Variants in ERLIN2 observed in about 807,000 individuals in gnomAD.
ERLIN2 encodes ER lipid raft associated 2, also known as erlin-2.
A neutral mutation model predicts 41.5 loss-of-function variants in ERLIN2; 22 were observed. The observed-to-expected ratio is 0.53, with a 90% confidence interval of 0.38 to 0.76. ERLIN2 has a LOEUF of 0.76. Ranked by LOEUF, ERLIN2 falls within the 30% of genes least tolerant of loss-of-function variation. The probability of loss-of-function intolerance (pLI) is 0.00; values close to 1 mark genes in which losing one functional copy is unlikely to be tolerated. For synonymous variants in ERLIN2, 149 were observed against 150.9 expected, an observed-to-expected ratio of 0.99 and a Z score of 0.09; for missense variants, 247 against 414.3, an observed-to-expected ratio of 0.60 and a Z score of 3.51.
chr8:37,747,619 G>A (rs1452279701), intron 6 of ERLIN2: 1 of 1,611,596 alleles, frequency 6.2e-7, no homozygotes, highest in South Asian at 1.1e-5. Context: ...ATATATGTTC[G>A]TTTTCCCAAA....
At chr8:37,745,208 A>G (rs750138739) in intron 6 of ERLIN2, 3 of 443,188 alleles carry the variant, frequency 6.8e-6, no homozygotes, top group Non-Finnish European at 1.2e-5. Flanking sequence ...GCCCCCAGGA[A>G]TGGGTGATGA....
chr8:37,745,512 GCCAATGCCAAAA>G, intron 6 of ERLIN2: 1 of 1,556,460 alleles, frequency 6.4e-7, no homozygotes. Context: ...TTCTCTAATA[GCCAATGCCAAAA>G]GTAAATGAAT....
chr8:37,757,123 A>G lies in ERLIN2; in HGVS notation c.*3008A>G, dbSNP rs921915049. 2.6e-5 allele frequency: 4 copies of G among 152,350 alleles called. No homozygotes were observed. The highest frequency in any genetic ancestry group is 2.9e-5 in the Non-Finnish European group (2 of 68,028). The allele number at this position is 152,350 out of a possible 1,614,324, so 9.4% of individuals were successfully genotyped here. ...GGAGCTGTTTTATAAATGATCATTC[A>G]CTGTTCCTATGGTTCTATGTATCTT... On this transcript the variant is annotated 3_prime_UTR_variant, in exon 12 of 12. Transcript: ENST00000519638.
chr8:37,753,228 T>A (rs1183649021), intron 10 of ERLIN2, among the ~76,000 whole-genome samples: 2 of 152,262 alleles, frequency 1.3e-5, no homozygotes, highest in Non-Finnish European at 2.9e-5. Flanking sequence ...AGGGAGATGC[T>A]TTCAAAACAC....
At chr8:37,746,212 G>T in intron 6 of ERLIN2, 4 of 985,968 alleles carry the variant, frequency 4.1e-6, no homozygotes, top group Non-Finnish European at 4.8e-6. Context: ...AACTCAGAAG[G>T]TTCTTCTATA....
chr8:37,755,555 ACCCCCCACCCCCCACC>A lies in ERLIN2; in HGVS notation c.*1447_*1462del, dbSNP rs1803335232. ...TTGGCCCTGTTATGAGCTGACCCCC[ACCCCCCACCCCCCACC>A]CCCCCCCCCCGCCAACTCCTATACC... On this transcript the variant is annotated 3_prime_UTR_variant, in exon 12 of 12. Transcript: ENST00000519638. 9 of 62,424 alleles carry A rather than the reference ACCCCCCACCCCCCACC, an allele frequency of 1.4e-4. No homozygotes were observed. The highest frequency in any genetic ancestry group is 6.6e-4 in the East Asian group (1 of 1,508). 3.9% of individuals were successfully genotyped at this position (62,424 alleles called of 1,614,324 possible).
At chr8:37,740,593 A>T (rs913244831) in intron 3 of ERLIN2, 147 bp downstream of exon 3, 13 of 211,096 alleles carry the variant, frequency 6.2e-5, no homozygotes, top group African/African-American at 1.7e-4. Flanking sequence ...ATATATATAT[A>T]ATATATATAT....
rs1803373232 is a variant in ERLIN2, at chr8:37,756,998, T to C, written c.*2883T>C. ...CAAGGAAACCAAAGTTTATTAATAA[T>C]TTTTATATAACTAAAATAAAATAGA... On this transcript the variant is annotated 3_prime_UTR_variant, in exon 12 of 12. Transcript: ENST00000519638. 6.6e-6 allele frequency: 1 copy of C among 152,204 alleles called. No homozygotes were observed. The highest frequency in any genetic ancestry group is 2.4e-5 in the African/African-American group (1 of 41,448). The allele number at this position is 152,204 out of a possible 1,614,324, so 9.4% of individuals were successfully genotyped here. A position where few individuals can be genotyped will look rare whatever the true frequency, so the allele number is the denominator to read the frequency against.
chr8:37,750,561 G>C, intron 9 of ERLIN2, 75 bp downstream of exon 9: 2 of 1,234,528 alleles, frequency 1.6e-6, no homozygotes, highest in Non-Finnish European at 2.4e-6. Flanking sequence ...AGGAGGCTAA[G>C]GCCTGGTGAG....
chr8:37,753,302 G>A (rs1391370806), intron 10 of ERLIN2, 148 bp from the exon 11 acceptor site: 4 of 705,854 alleles, frequency 5.7e-6, no homozygotes, highest in African/African-American at 1.8e-5. Context: ...GTAAAACACA[G>A]AGGAAAAAGC....
intron 6 of ERLIN2, chr8:37,747,680 C>T (rs974264118): frequency 6.3e-7 from 1 of 1,595,326 alleles, no homozygotes; most frequent in Admixed American, 1.7e-5. Context: ...GTAACGGGAG[C>T]ATTCTTCGGC....
chr8:37,746,645 C>A, intron 6 of ERLIN2: 1 of 521,220 alleles, frequency 1.9e-6, no homozygotes, highest in Non-Finnish European at 2.5e-6. Flanking sequence ...GACTAGAGGG[C>A]AGCTCCCTTG....
intron 4 of ERLIN2, 116 bp from the exon 5 acceptor site, chr8:37,744,239 C>A (rs1802955947): frequency 6.5e-6 from 6 of 918,174 alleles, no homozygotes; most frequent in Non-Finnish European, 1.1e-5. Context: ...TTCCAACTTC[C>A]CGTGAACTCT....
chr8:37,748,164 A>G (rs181141975), intron 6 of ERLIN2, among the ~76,000 whole-genome samples: 5 of 152,396 alleles, frequency 3.3e-5, no homozygotes, highest in Non-Finnish European at 5.9e-5. Flanking sequence ...CAATATTACT[A>G]AAACAACTTG....
At chr8:37,748,035 G>A (rs769794654) in intron 6 of ERLIN2, 7 of 1,578,080 alleles carry the variant, frequency 4.4e-6, no homozygotes, top group Admixed American at 3.3e-5. Flanking sequence ...AAAACTCTAC[G>A]CAAAGAAGAG....
In ERLIN2 at chr8:37,751,722, A is replaced by G. The variant is rs1563317284; in HGVS notation, c.739+7A>G. 2.5e-6 allele frequency: 4 copies of G among 1,610,412 alleles called. No individual in the cohort carries two copies. The highest frequency in any genetic ancestry group is 3.4e-6 in the Non-Finnish European group (4 of 1,176,866). Reference sequence around the variant, plus strand: ...AAGATTTCAGAAATTGAAGGTAAGCAGAAGTGGCAGTCATGCCTGAGTCCT... The same window carrying G: ...AAGATTTCAGAAATTGAAGGTAAGCGGAAGTGGCAGTCATGCCTGAGTCCT... On this transcript the variant is annotated splice_region_variant and intron_variant, in intron 10 of 11. Transcript: ENST00000519638.
chr8:37,751,555 G>A (rs1803218038), intron 9 of ERLIN2, 71 bp from the exon 10 acceptor site: 1 of 1,356,814 alleles, frequency 7.4e-7, no homozygotes, highest in African/African-American at 1.4e-5. Flanking sequence ...AGGACACTCA[G>A]CTCGGGTGAA....
chr8:37,751,743 GTCCTC>G, intron 10 of ERLIN2, 28 bp downstream of exon 10: 1 of 1,556,460 alleles, frequency 6.4e-7, no homozygotes, highest in Non-Finnish European at 8.9e-7. Flanking sequence ...TCATGCCTGA[GTCCTC>G]CTCAGACCCC....
chr8:37,743,914 TAATA>T (rs1024123294), intron 4 of ERLIN2, among the ~76,000 whole-genome samples: 4 of 152,220 alleles, frequency 2.6e-5, no homozygotes, highest in African/African-American at 9.7e-5. Context: ...AATCTTTTTA[TAATA>T]AATATTTGAG....
Sources: allele counts gnomAD v4.1 joint callset (sites outside exome capture counted in the v4.1 genomes callset), GRCh38; gene constraint gnomAD v4.1.1; transcripts MANE v1.5; gene names NCBI Gene and HGNC (gene_info 2026-07-23, HGNC 2026-07-21).